Variants in ARHGEF4 observed in about 807,000 individuals in gnomAD.
ARHGEF4 encodes the protein APC-stimulated guanine nucleotide exchange factor 1.
ARHGEF4 carries 119 observed loss-of-function variants against 162.0 expected under a neutral mutation model. The ratio of observed to expected loss-of-function variants is 0.73; its 90% CI spans 0.63 to 0.86. The LOEUF (loss-of-function observed/expected upper bound fraction) is 0.86. Among genes scored for constraint, ARHGEF4 ranks in the 40% least tolerant of loss-of-function variants. The probability of loss-of-function intolerance (pLI) is 0.00; values close to 1 mark genes in which losing one functional copy is unlikely to be tolerated. For missense variants in ARHGEF4, 2,488 were observed against 2,456.0 expected (o/e 1.01, Z -0.28); for synonymous variants, 1,014 against 979.9 (o/e 1.03, Z -0.65).
At chr2:130,991,277 G>C (rs112458351) in intron 4 of ARHGEF4, among the ~76,000 whole-genome samples, 1 of 152,394 alleles carries the variant, frequency 6.6e-6, no homozygotes, top group Non-Finnish European at 1.5e-5. Flanking sequence ...AGAGGTGACA[G>C]AGTGCTGGCA....
chr2:130,916,829 C>T lies in ARHGEF4; in HGVS notation c.2883C>T (p.Ala961=), dbSNP rs777436712. The change falls in exon 2 of 14, where the codon GCC becomes GCT. Residue 961 remains alanine, a synonymous_variant. Coordinates refer to ENST00000409359, the MANE Select transcript of ARHGEF4 (RefSeq NM_001367493.1). ...GGGCGTTTCTGAAAAGCAAAGATGC[C>T]GGAAGCCCCAAAAAGCCCACCCTAG... is the stretch of plus-strand genomic sequence containing the variant. The part of the protein sequence containing the change: ...SWRAFLKSKD[A]GSPKKPTLVS... The T allele has an allele frequency of 1.2e-5, 18 of 1,550,356 alleles. No homozygotes were observed. The Middle Eastern group carries it at 1.3e-3, about 115-fold the overall frequency.
intron 4 of ARHGEF4, among the ~76,000 whole-genome samples, chr2:131,018,769 T>G (rs1025905133): frequency 6.6e-6 from 1 of 152,230 alleles, no homozygotes; most frequent in Admixed American, 6.5e-5. Context: ...TTAATTTTTA[T>G]GTGTGTTAGG....
At chr2:130,879,041 T>C (rs1158074018) in intron 1 of ARHGEF4, among the ~76,000 whole-genome samples, 1 of 152,168 alleles carries the variant, frequency 6.6e-6, no homozygotes, top group Admixed American at 6.5e-5. Context: ...CTCAGAGGCA[T>C]GTTGGAGCAC....
Position 131,024,362 on chromosome 2 carries a change from G to A in ARHGEF4, c.3986-3583G>A, listed in dbSNP as rs368607807. Among the ~76,000 whole-genome samples, 21 of 152,260 alleles carry A rather than the reference G, an allele frequency of 1.4e-4. No individual in the cohort carries two copies. In the East Asian group the frequency reaches 2.7e-3, roughly 20 times the overall value. On this transcript the variant is annotated intron_variant, in intron 4 of 13. Transcript: ENST00000409359. ...GCGATCTCAGCTCACTGCAACCTCC[G>A]CCTGCTGGGTTCAAGCAGTTCTCCT...
At chr2:130,960,299 G>A (rs1684553498) in intron 4 of ARHGEF4, among the ~76,000 whole-genome samples, 1 of 152,172 alleles carries the variant, frequency 6.6e-6, no homozygotes, top group South Asian at 2.1e-4. Context: ...GTACCATTAC[G>A]ATGTTAATAT....
intron 4 of ARHGEF4, among the ~76,000 whole-genome samples, chr2:130,984,679 G>T (rs1009640385): frequency 7.1e-5 from 9 of 126,944 alleles, no homozygotes; most frequent in Admixed American, 6.1e-4. Flanking sequence ...ACAGAGCAAG[G>T]CTCTGTCTTA....
In ARHGEF4 at chr2:130,845,188, G is replaced by A. The variant is rs529998971; in HGVS notation, c.39+8196G>A. On this transcript the variant is annotated intron_variant, in intron 1 of 13. Transcript: ENST00000409359. ...CTGAAACTTGGCCAAGTGTGATGCT[G>A]CCTGATGTTGCTGGCCGAAGTTCCT... 3.3e-5 allele frequency among the ~76,000 whole-genome samples: 5 copies of A among 151,872 alleles called. No homozygotes were observed. In the South Asian group the frequency reaches 1.0e-3, roughly 32 times the overall value.
At chr2:130,842,489 T>C (rs188504776) in intron 1 of ARHGEF4, among the ~76,000 whole-genome samples, 1 of 152,308 alleles carries the variant, frequency 6.6e-6, no homozygotes, top group East Asian at 1.9e-4. Flanking sequence ...TGTTATTACC[T>C]CACTTTAAGC....
intron 1 of ARHGEF4, 105 bp downstream of exon 1, chr2:130,837,097 C>T: frequency 9.1e-7 from 1 of 1,093,700 alleles, no homozygotes; most frequent in Non-Finnish European, 1.2e-6. Context: ...GTCCCCTGGG[C>T]ACCCGGTGGG....
chr2:130,898,648 C>T (rs1406010142), intron 1 of ARHGEF4, among the ~76,000 whole-genome samples: 1 of 152,156 alleles, frequency 6.6e-6, no homozygotes, highest in Non-Finnish European at 1.5e-5. Flanking sequence ...GGCAGACACA[C>T]ATTCAGGGTC....
intron 5 of ARHGEF4, among the ~76,000 whole-genome samples, chr2:131,033,847 C>T (rs1028097944): frequency 1.1e-4 from 17 of 152,170 alleles, no homozygotes; most frequent in South Asian, 2.1e-4. Context: ...CACACACACA[C>T]GGGCACCCAC....
At chr2:130,986,447 T>G (rs555649947) in intron 4 of ARHGEF4, among the ~76,000 whole-genome samples, 3 of 152,268 alleles carry the variant, frequency 2.0e-5, no homozygotes, top group Admixed American at 6.5e-5. Context: ...GCTAGTCTGG[T>G]TAAAAAGATG....
chr2:130,839,403 ACT>A (rs1680447757), intron 1 of ARHGEF4, among the ~76,000 whole-genome samples: 1 of 152,050 alleles, frequency 6.6e-6, no homozygotes, highest in Admixed American at 6.6e-5. Context: ...TCCCAGTCAG[ACT>A]CTGTTAGCCA....
At chr2:130,998,543 G>A (rs1687552814) in intron 4 of ARHGEF4, among the ~76,000 whole-genome samples, 1 of 152,136 alleles carries the variant, frequency 6.6e-6, no homozygotes, top group South Asian at 2.1e-4. Flanking sequence ...GTAATGTCAT[G>A]TAGTTGAAAT....
chr2:130,895,131 C>G (rs1680082574), intron 1 of ARHGEF4, among the ~76,000 whole-genome samples: 1 of 152,198 alleles, frequency 6.6e-6, no homozygotes, highest in East Asian at 1.9e-4. Context: ...CTCCGCCACT[C>G]ACCGCTCTAG....
chr2:131,000,561 G>A (rs2105308725), intron 4 of ARHGEF4, among the ~76,000 whole-genome samples: 1 of 152,274 alleles, frequency 6.6e-6, no homozygotes, highest in Admixed American at 6.5e-5. Flanking sequence ...TGAGCCAAGA[G>A]ATTTAGGAAG....
At chr2:130,959,735 T>A (rs1364439743) in intron 4 of ARHGEF4, among the ~76,000 whole-genome samples, 1 of 152,200 alleles carries the variant, frequency 6.6e-6, no homozygotes, top group Non-Finnish European at 1.5e-5. Flanking sequence ...ATTAAGTAAT[T>A]TGCCCAAGGT....
chr2:130,904,679 A>G (rs867209818), intron 1 of ARHGEF4, among the ~76,000 whole-genome samples: 1 of 152,168 alleles, frequency 6.6e-6, no homozygotes, highest in East Asian at 1.9e-4. Flanking sequence ...TATGATTTAC[A>G]TGTATATAAA....
At chr2:130,994,391 C>T (rs2105292938) in intron 4 of ARHGEF4, among the ~76,000 whole-genome samples, 1 of 152,106 alleles carries the variant, frequency 6.6e-6, no homozygotes, top group South Asian at 2.1e-4. Context: ...TAGTGTTTAT[C>T]TTAGAAATTA....
Sources: gnomAD v4.1 joint callset for allele counts (sites outside exome capture counted in the v4.1 genomes callset) on GRCh38, gnomAD v4.1.1 for gene constraint, MANE v1.5 for transcripts, NCBI Gene and HGNC (gene_info 2026-07-23, HGNC 2026-07-21) for gene names.